The following XKR6 variants were observed in gnomAD, a reference collection of about 807,000 sequenced individuals.
XKR6 encodes XK related 6.
Under a neutral mutation model 56.7 loss-of-function variants are expected in XKR6, and 22 were observed. That is an observed-to-expected ratio of 0.39 (90% confidence interval 0.28 to 0.55). The LOEUF is 0.55. Ranked by LOEUF, XKR6 falls within the 20% of genes least tolerant of loss-of-function variation. The pLI, the probability that XKR6 is intolerant of heterozygous loss-of-function variation, is 0.66. For synonymous variants in XKR6, 524 were observed against 387.8 expected, an observed-to-expected ratio of 1.35 and a Z score of -4.13; for missense variants, 852 against 889.0, an observed-to-expected ratio of 0.96 and a Z score of 0.53.
At chr8:11,156,852 C>G (rs1339386307) in intron 1 of XKR6, among the ~76,000 whole-genome samples, 2 of 152,264 alleles carry the variant, frequency 1.3e-5, no homozygotes, top group East Asian at 1.9e-4. Flanking sequence ...CACACATACA[C>G]ACACACACAG....
At chr8:11,052,206 G>C (rs962153965) in intron 1 of XKR6, among the ~76,000 whole-genome samples, 4 of 152,078 alleles carry the variant, frequency 2.6e-5, no homozygotes, top group Middle Eastern at 3.2e-3. Flanking sequence ...TGCCTGGAAG[G>C]CTTCTTGGAT....
intron 1 of XKR6, among the ~76,000 whole-genome samples, chr8:11,118,586 TTA>T (rs1799292543): frequency 6.6e-6 from 1 of 152,234 alleles, no homozygotes; most frequent in Non-Finnish European, 1.5e-5. Flanking sequence ...ACTTTCTAGT[TTA>T]TTTGTGTAGA....
intron 1 of XKR6, among the ~76,000 whole-genome samples, chr8:11,135,557 C>T (rs1176827618): frequency 2.0e-5 from 3 of 152,074 alleles, no homozygotes; most frequent in Non-Finnish European, 2.9e-5. Context: ...GTCATTTAGG[C>T]CTTTTTCTAA....
At chr8:10,928,902 T>C (rs983949609) in intron 1 of XKR6, among the ~76,000 whole-genome samples, 1 of 152,242 alleles carries the variant, frequency 6.6e-6, no homozygotes. Flanking sequence ...TGTCACCTCC[T>C]GTCACGCCAT....
chr8:11,051,761 G>A (rs1451321722), intron 1 of XKR6, among the ~76,000 whole-genome samples: 1 of 152,104 alleles, frequency 6.6e-6, no homozygotes. Flanking sequence ...AAATAAGACT[G>A]CAGCCCTCCA....
intron 1 of XKR6, among the ~76,000 whole-genome samples, chr8:11,046,380 A>G (rs551637154): frequency 6.6e-6 from 1 of 152,328 alleles, no homozygotes; most frequent in East Asian, 1.9e-4. Flanking sequence ...AGCCTGGGCA[A>G]CAGAGTGGGA....
chr8:10,920,052 A>G (rs969088351), intron 2 of XKR6, among the ~76,000 whole-genome samples: 1 of 152,194 alleles, frequency 6.6e-6, no homozygotes, highest in Admixed American at 6.5e-5. Context: ...CAGAGGGTGG[A>G]GAGATGGCAA....
chr8:10,996,665 A>G (rs1798120328), intron 1 of XKR6, among the ~76,000 whole-genome samples: 1 of 152,170 alleles, frequency 6.6e-6, no homozygotes, highest in African/African-American at 2.4e-5. Context: ...TGTTGGGTGA[A>G]GACTGTTCTG....
At chr8:11,196,224 C>A (rs1803879679) in intron 1 of XKR6, among the ~76,000 whole-genome samples, 1 of 152,064 alleles carries the variant, frequency 6.6e-6, no homozygotes, top group Non-Finnish European at 1.5e-5. Context: ...ACTCATAATC[C>A]CAGTTATGTT....
intron 1 of XKR6, among the ~76,000 whole-genome samples, chr8:11,166,267 C>T (rs183537127): frequency 1.1e-4 from 17 of 152,242 alleles, no homozygotes; most frequent in Non-Finnish European, 1.5e-4. Flanking sequence ...TCATATTTAT[C>T]GCTGCTTTGG....
At chr8:11,008,124 T>G (rs191120004) in intron 1 of XKR6, among the ~76,000 whole-genome samples, 3 of 152,274 alleles carry the variant, frequency 2.0e-5, no homozygotes, top group African/African-American at 7.2e-5. Flanking sequence ...GTTTACTCTT[T>G]CCTTTTACTC....
rs987328478 is a variant in XKR6, at chr8:11,133,830, T to C, written c.764+66746A>G. On this transcript the variant is annotated intron_variant, in intron 1 of 2. Coordinates refer to ENST00000416569, the MANE Select transcript of XKR6 (RefSeq NM_173683.4). ...ACATAATTAACTCTATGCTTTCCATTATATCATAGACCTATTCAGACCATG... is the reference window on the plus strand; with the variant it reads ...ACATAATTAACTCTATGCTTTCCATCATATCATAGACCTATTCAGACCATG... Among the ~76,000 whole-genome samples, 74 of 152,152 alleles carry C rather than the reference T, an allele frequency of 4.9e-4. 1 individual carries two copies. The highest frequency in any genetic ancestry group is 1.7e-3 in the African/African-American group (71 of 41,408).
chr8:11,034,174 G>T (rs1277672123), intron 1 of XKR6, among the ~76,000 whole-genome samples: 2 of 152,224 alleles, frequency 1.3e-5, no homozygotes, highest in African/African-American at 4.8e-5. Context: ...AATGGTGAGT[G>T]CCAGACAAGG....
chr8:10,912,913 G>A (rs904162990), intron 2 of XKR6, among the ~76,000 whole-genome samples: 1 of 150,558 alleles, frequency 6.6e-6, no homozygotes, highest in Non-Finnish European at 1.5e-5. Flanking sequence ...GAGAGGGCGA[G>A]TATATCTATA....
At position 10,924,737 on chromosome 8, in the gene XKR6, G is replaced by A. The variant is rs373965526; in HGVS notation, c.858C>T (p.Asp286=). ...FYWAMMYEYA[D]VNMLRLLETF... ...TCTCCAGGAGGCGCAGCATGTTGAC[G>A]TCTGCATATTCATACATCATAGCCC... The change falls in exon 2 of 3, where the codon GAC becomes GAT. Residue 286 remains aspartate, a synonymous_variant. Transcript: ENST00000416569. The A allele has an allele frequency of 3.1e-5, 50 of 1,613,856 alleles. No individual in the cohort carries two copies. The highest frequency in any genetic ancestry group is 9.9e-5 in the South Asian group (9 of 91,070).
intron 1 of XKR6, among the ~76,000 whole-genome samples, chr8:11,162,965 G>A (rs934402007): frequency 3.3e-5 from 5 of 152,160 alleles, no homozygotes; most frequent in Admixed American, 3.3e-4. Context: ...TTTGGACCAT[G>A]AGCCTGCAAA....
At chr8:11,111,189 T>C (rs1421749562) in intron 1 of XKR6, among the ~76,000 whole-genome samples, 1 of 152,072 alleles carries the variant, frequency 6.6e-6, no homozygotes, top group Non-Finnish European at 1.5e-5. Flanking sequence ...TAAGCTTTCC[T>C]GGAGATTAAA....
At chr8:11,142,479 G>C (rs971495104) in intron 1 of XKR6, among the ~76,000 whole-genome samples, 6 of 152,178 alleles carry the variant, frequency 3.9e-5, no homozygotes, top group African/African-American at 1.4e-4. Flanking sequence ...CGGCCTGGTG[G>C]GAGGTGTTTG....
chr8:11,184,369 A>T (rs911010984), intron 1 of XKR6, among the ~76,000 whole-genome samples: 4 of 144,068 alleles, frequency 2.8e-5, no homozygotes, highest in South Asian at 2.2e-4. Flanking sequence ...TACATATTTT[A>T]TATATATATA....
Sources: allele counts gnomAD v4.1 joint callset (sites outside exome capture counted in the v4.1 genomes callset), GRCh38; gene constraint gnomAD v4.1.1; transcripts MANE v1.5; gene names NCBI Gene and HGNC (gene_info 2026-07-23, HGNC 2026-07-21).